MAP3K13: variants seen among roughly 807,000 people sequenced by gnomAD.
MAP3K13 encodes mitogen-activated protein kinase kinase kinase 13.
MAP3K13 carries 52 observed loss-of-function variants against 104.0 expected under a neutral mutation model. The ratio of observed to expected loss-of-function variants is 0.50; its 90% CI spans 0.40 to 0.63. MAP3K13 has a LOEUF of 0.63. MAP3K13 is among the 20% of genes least tolerant of loss of function. The pLI is 0.00. For missense variants in MAP3K13, 914 were observed against 1,218.5 expected, an observed-to-expected ratio of 0.75 and a Z score of 3.72; for synonymous variants, 394 against 442.2, an observed-to-expected ratio of 0.89 and a Z score of 1.37.
At chr3:185,347,267 GA>G (rs1722963837) in intron 2 of MAP3K13, among the ~76,000 whole-genome samples, 1 of 152,108 alleles carries the variant, frequency 6.6e-6, no homozygotes. Flanking sequence ...TTACAGGCAT[GA>G]ACCACTGCAC....
intron 7 of MAP3K13, among the ~76,000 whole-genome samples, chr3:185,460,460 G>A (rs1486757389): frequency 6.6e-6 from 1 of 152,106 alleles, no homozygotes; most frequent in East Asian, 1.9e-4. Context: ...CTAGGAAGGT[G>A]GCTTTGTCAC....
At chr3:185,411,098 G>C (rs963747155) in intron 1 of MAP3K13, among the ~76,000 whole-genome samples, 2 of 152,066 alleles carry the variant, frequency 1.3e-5, no homozygotes, top group African/African-American at 2.4e-5. Context: ...TTAGGTAAAA[G>C]GGCCCTTGGT....
At chr3:185,379,423 A>G (rs148535759) in intron 1 of MAP3K13, among the ~76,000 whole-genome samples, 82 of 152,298 alleles carry the variant, frequency 5.4e-4, no homozygotes, top group Middle Eastern at 3.4e-3. Flanking sequence ...GGATAGTGAG[A>G]GAGGTTGGAG....
rs1717768958 is a variant in MAP3K13 at position 185,471,328 on chromosome 3, T to C, written c.1644-1647T>C. ...TTGCTTTTTTTTTTTTTTTTTTTTG[T>C]AGAGATAGGGTCTTGCTATGTTGCT... On this transcript the variant is annotated intron_variant, in intron 10 of 13. Transcript: ENST00000265026. Among the ~76,000 whole-genome samples the C allele has an allele frequency of 2.7e-5, 4 of 147,926 alleles. No individual in the cohort carries two copies. In the South Asian group the frequency reaches 8.7e-4, roughly 32 times the overall value.
intron 1 of MAP3K13, among the ~76,000 whole-genome samples, chr3:185,419,383 T>A (rs1003461215): frequency 1.3e-4 from 20 of 152,248 alleles, no homozygotes; most frequent in Admixed American, 5.9e-4. Context: ...ACATTTCACA[T>A]CATTTTTCAT....
chr3:185,361,440 A>G (rs1481464392), upstream of MAP3K13, among the ~76,000 whole-genome samples: 3 of 146,316 alleles, frequency 2.1e-5, no homozygotes, highest in Non-Finnish European at 1.5e-5. Flanking sequence ...TTGCTCTGTC[A>G]CCCAGGCTGG....
upstream of MAP3K13, among the ~76,000 whole-genome samples, chr3:185,361,281 T>G (rs1050184104): frequency 6.6e-6 from 1 of 151,924 alleles, no homozygotes; most frequent in Admixed American, 6.6e-5. Context: ...TCTGTATTGT[T>G]TTGGAAGAAA....
chr3:185,477,390 G>A lies in MAP3K13; in HGVS notation c.2495G>A (p.Arg832Lys). 6.2e-7 allele frequency: 1 copy of A among 1,612,264 alleles called. No homozygotes were observed. Among genetic ancestry groups the A allele is most frequent in the Non-Finnish European group, 8.5e-7 (1 of 1,178,332 alleles). The part of the protein sequence containing the change: ...EVDSEVEFPR[R>K]QRPHRCISSC... ...GATAGTGAAGTTGAATTTCCACGAAGACAGAGGTAAAACCAACAAATGCAC... is the reference window on the plus strand; with the variant it reads ...GATAGTGAAGTTGAATTTCCACGAAAACAGAGGTAAAACCAACAAATGCAC... The change falls in exon 12 of 14, where the codon AGA becomes AAA. Residue 832 changes from arginine (R) to lysine (K), a missense_variant. Arg to Lys is a conservative substitution (Grantham distance 26). This residue lies in a region of MAP3K13 where 583 missense variants were observed against 737.4 expected (regional missense o/e 0.79). Transcript: ENST00000265026.
chr3:185,295,134 C>T (rs192937774), intron 2 of MAP3K13, among the ~76,000 whole-genome samples: 15 of 152,296 alleles, frequency 9.8e-5, no homozygotes, highest in African/African-American at 3.4e-4. Context: ...AAGCTCAAGC[C>T]ATAATGGTCT....
Position 185,480,335 on chromosome 3 carries a change from A to G in MAP3K13, c.2605A>G (p.Ser869Gly). The G allele has an allele frequency of 6.2e-7, 1 of 1,614,188 alleles. No individual in the cohort carries two copies. Among genetic ancestry groups the G allele is most frequent in the South Asian group, 1.1e-5 (1 of 91,082 alleles). ...EEGNTSDHSN[S>G]PDELADKLED... Reference sequence around the variant, plus strand: ...GGGAAATACCAGTGACCACTCAAACAGTCCTGATGAGTTAGCTGATAAACT... The same window carrying G: ...GGGAAATACCAGTGACCACTCAAACGGTCCTGATGAGTTAGCTGATAAACT... Residue 869 changes from serine (S) to glycine (G), a missense_variant, in exon 13 of 14, where the codon AGT (serine) becomes GGT (glycine). Physicochemically the swap from Ser to Gly is moderately conservative, Grantham distance 56. This residue lies in a region of MAP3K13 where 583 missense variants were observed against 737.4 expected (regional missense o/e 0.79). Coordinates refer to ENST00000265026, the MANE Select transcript of MAP3K13 (RefSeq NM_004721.5).
chr3:185,414,485 A>C (rs1366870241), intron 1 of MAP3K13, among the ~76,000 whole-genome samples: 1 of 152,220 alleles, frequency 6.6e-6, no homozygotes, highest in African/African-American at 2.4e-5. Context: ...GGCATGGCCC[A>C]GTCACTGCTC....
intron 1 of MAP3K13, among the ~76,000 whole-genome samples, chr3:185,375,605 T>A (rs1724386842): frequency 6.6e-6 from 1 of 151,368 alleles, no homozygotes; most frequent in African/African-American, 2.4e-5. Flanking sequence ...AGCGAGGGAG[T>A]AGGTGGGAGT....
chr3:185,437,033 T>A (rs7620778), intron 2 of MAP3K13, among the ~76,000 whole-genome samples: 7,410 of 83,558 alleles, frequency 0.089, 304 homozygotes, highest in East Asian at 0.17. Flanking sequence ...AAAAAAAAAA[T>A]TAGCAAAGAT....
chr3:185,470,529 A>G (rs1291568961), intron 10 of MAP3K13, among the ~76,000 whole-genome samples: 1 of 151,572 alleles, frequency 6.6e-6, no homozygotes, highest in Non-Finnish European at 1.5e-5. Flanking sequence ...CTTCTACTCA[A>G]CCTCCTGCTG....
chr3:185,361,098 ATGTGTG>A (rs34760922), upstream of MAP3K13, among the ~76,000 whole-genome samples: 71,450 of 146,476 alleles, frequency 0.49, 18,457 homozygotes, highest in Middle Eastern at 0.62. Context: ...ATATATATAT[ATGTGTG>A]TGTGTGTGTG....
upstream of MAP3K13, among the ~76,000 whole-genome samples, chr3:185,358,482 G>C (rs1577460856): frequency 2.0e-5 from 3 of 152,246 alleles, no homozygotes; most frequent in South Asian, 6.2e-4. Context: ...ATTCTTCTAA[G>C]GGGTATTAGG....
At position 185,291,180 on chromosome 3, in the gene MAP3K13, C is replaced by T. The variant is rs542186634; in HGVS notation, c.-86+5537C>T. 7.9e-5 allele frequency among the ~76,000 whole-genome samples: 12 copies of T among 152,254 alleles called. No homozygotes were observed. The South Asian group carries it at 2.3e-3, about 29-fold the overall frequency. On this transcript the variant is annotated intron_variant, in intron 2 of 14. Transcript: ENST00000424227. ...CTTCCACATCAGTTTATTTCCCTACCCCACAAAGTGAACATCATTTTATGC... is the reference window on the plus strand; with the variant it reads ...CTTCCACATCAGTTTATTTCCCTACTCCACAAAGTGAACATCATTTTATGC...
chr3:185,416,822 TG>T (rs1713807275), intron 1 of MAP3K13, among the ~76,000 whole-genome samples: 1 of 151,108 alleles, frequency 6.6e-6, no homozygotes, highest in Non-Finnish European at 1.5e-5. Context: ...AGGGTCTCAC[TG>T]TGTTGCCCAG....
In MAP3K13 at chr3:185,423,742, C is replaced by G. The variant is rs141035740; in HGVS notation, c.-85-4755C>G. ...TTTGTTAGGAGGGAAGAATCACCTG[C>G]ACTGTATCGTAAGCTTTCAGAGCCC... On this transcript the variant is annotated intron_variant, in intron 1 of 13. Coordinates refer to ENST00000265026, the MANE Select transcript of MAP3K13 (RefSeq NM_004721.5). The surrounding 1 kb of genome is among the most constrained non-coding windows in gnomAD (Gnocchi z 4.1). 6.6e-6 allele frequency among the ~76,000 whole-genome samples: 1 copy of G among 152,300 alleles called. No homozygotes were observed. Among genetic ancestry groups the G allele is most frequent in the African/African-American group, 2.4e-5 (1 of 41,572 alleles).
Sources: allele counts gnomAD v4.1 joint callset (sites outside exome capture counted in the v4.1 genomes callset), GRCh38; gene constraint gnomAD v4.1.1; regional missense constraint gnomAD v4.1.1; non-coding constraint Gnocchi (gnomAD v3.1); transcripts MANE v1.5; gene names NCBI Gene and HGNC (gene_info 2026-07-23, HGNC 2026-07-21).